YBX3: variants seen among roughly 807,000 people sequenced by gnomAD.
YBX3 encodes Y-box binding protein 3.
Under a neutral mutation model 42.4 loss-of-function variants are expected in YBX3, and 29 were observed. The observed-to-expected ratio is 0.68, with a 90% CI of 0.51 to 0.93. The LOEUF (loss-of-function observed/expected upper bound fraction) is 0.93. Ranked by LOEUF, YBX3 falls within the 40% of genes least tolerant of loss-of-function variation. The pLI is 0.00. For synonymous variants in YBX3, 195 were observed against 189.8 expected (o/e 1.03, Z -0.22); for missense variants, 517 against 527.5 (o/e 0.98, Z 0.19).
At position 10,702,044 on chromosome 12, in the gene YBX3, C is replaced by T. The variant is rs767340899; in HGVS notation, c.969G>A (p.Pro323=). Reference sequence around the variant, plus strand: ...GACGCCGGTATCCACGGCGAACAGACGGCTGGTTTGGACCACTGGTGGCTT... The same window carrying T: ...GACGCCGGTATCCACGGCGAACAGATGGCTGGTTTGGACCACTGGTGGCTT... ...NQQATSGPNQ[P]SVRRGYRRPY... Residue 323 remains proline (P), a synonymous_variant, in exon 8 of 10, where the codon CCG becomes CCA. Coordinates refer to ENST00000228251, the MANE Select transcript of YBX3 (RefSeq NM_003651.5). 8.7e-6 allele frequency: 14 copies of T among 1,614,150 alleles called. No homozygotes were observed. Among genetic ancestry groups the T allele is most frequent in the East Asian group, 4.5e-5 (2 of 44,882 alleles).
rs780051688 is a variant in YBX3 at position 10,709,896 on chromosome 12, T to G, written c.780+12A>C. 6.2e-7 allele frequency: 1 copy of G among 1,613,590 alleles called. No individual in the cohort carries two copies. Among genetic ancestry groups the G allele is most frequent in the Non-Finnish European group, 8.5e-7 (1 of 1,179,978 alleles). ...GAGGATTGCTGAAGAGAAGTCTCAG[T>G]TGCAATTTTACCTGTATTCTGTTGG... On this transcript the variant is annotated intron_variant, in intron 6 of 9. Transcript: ENST00000228251.
intron 7 of YBX3, chr12:10,703,594 C>T (rs1157639160): frequency 2.3e-6 from 1 of 438,310 alleles, no homozygotes; most frequent in East Asian, 7.3e-5. Context: ...GGCTGGAATG[C>T]AGTCCAAGAA....
At chr12:10,707,018 A>AT (rs1185467037) in intron 6 of YBX3, among the ~76,000 whole-genome samples, 3 of 147,076 alleles carry the variant, frequency 2.0e-5, no homozygotes, top group Non-Finnish European at 3.0e-5. Context: ...CTCCATCTCA[A>AT]AAAATAAATA....
chr12:10,719,249 A>C, intron 1 of YBX3, 106 bp from the exon 2 acceptor site: 1 of 905,202 alleles, frequency 1.1e-6, no homozygotes, highest in South Asian at 1.8e-5. Context: ...ATACCTAAAG[A>C]AACCATTAAA....
At chr12:10,722,337 A>C (rs1565593659) in intron 1 of YBX3, 2 of 152,228 alleles carry the variant, frequency 1.3e-5, no homozygotes, top group Non-Finnish European at 2.9e-5. Context: ...TCCTGGCAAG[A>C]AGCTTTTCTA....
chr12:10,722,793 G>A, intron 1 of YBX3, 57 bp downstream of exon 1: 2 of 1,338,772 alleles, frequency 1.5e-6, no homozygotes, highest in Non-Finnish European at 1.9e-6. Flanking sequence ...CACGTGCTCC[G>A]CGGCCGGCTG....
intron 4 of YBX3, among the ~76,000 whole-genome samples, chr12:10,715,219 T>G (rs1382699096): frequency 6.6e-6 from 1 of 152,242 alleles, no homozygotes; most frequent in East Asian, 1.9e-4. Context: ...AAAGTATCTT[T>G]ATTGCAGAAT....
chr12:10,715,970 T>C (rs574603324), intron 3 of YBX3, 187 bp from the exon 4 acceptor site: 2 of 568,224 alleles, frequency 3.5e-6, no homozygotes, highest in South Asian at 4.0e-5. Flanking sequence ...TATTCCACAT[T>C]ACTTCCTTGA....
At chr12:10,713,812 T>C (rs1694964353) in intron 4 of YBX3, among the ~76,000 whole-genome samples, 1 of 152,238 alleles carries the variant, frequency 6.6e-6, no homozygotes, top group African/African-American at 2.4e-5. Context: ...ACTTCTCCTA[T>C]TTTGGCAGCA....
At chr12:10,711,763 A>G (rs762555078) in intron 5 of YBX3, 23 of 152,364 alleles carry the variant, frequency 1.5e-4, no homozygotes, top group Non-Finnish European at 3.4e-4. Flanking sequence ...AAGCGTTTTA[A>G]CAATTTTGTT....
intron 5 of YBX3, chr12:10,710,407 C>A: frequency 7.6e-7 from 1 of 1,318,540 alleles, no homozygotes; most frequent in Non-Finnish European, 9.7e-7. Context: ...GCTAACCAAC[C>A]ACCCGAAGAG....
At chr12:10,714,750 A>G (rs1324518591) in intron 4 of YBX3, among the ~76,000 whole-genome samples, 1 of 151,400 alleles carries the variant, frequency 6.6e-6, no homozygotes, top group Non-Finnish European at 1.5e-5. Flanking sequence ...GCCCCAAAGC[A>G]GTTTTTCTTT....
At chr12:10,702,172 C>G (rs757577059) in intron 7 of YBX3, 38 bp from the exon 8 acceptor site, 1 of 1,562,834 alleles carries the variant, frequency 6.4e-7, no homozygotes, top group South Asian at 1.2e-5. Flanking sequence ...CAGGTGCCAA[C>G]AGGACAGGGC....
chr12:10,702,797 G>A (rs1434670223), intron 7 of YBX3: 1 of 152,144 alleles, frequency 6.6e-6, no homozygotes, highest in African/African-American at 2.4e-5. Flanking sequence ...CAGAGACTAA[G>A]GGAATTAAAC....
intron 5 of YBX3, chr12:10,712,744 A>T (rs945360015): frequency 2.6e-5 from 4 of 152,422 alleles, no homozygotes; most frequent in African/African-American, 9.6e-5. Context: ...GAGCCAAATG[A>T]AGAGAAACCT....
intron 1 of YBX3, 56 bp downstream of exon 1, chr12:10,722,794 C>G: frequency 7.5e-7 from 1 of 1,339,818 alleles, no homozygotes; most frequent in Non-Finnish European, 9.6e-7. Flanking sequence ...ACGTGCTCCG[C>G]GGCCGGCTGG....
At chr12:10,704,188 C>A (rs375401624) in intron 6 of YBX3, 40 bp from the exon 7 acceptor site, 1 of 1,569,358 alleles carries the variant, frequency 6.4e-7, no homozygotes, top group African/African-American at 1.3e-5. Flanking sequence ...TGTCACAGCA[C>A]AGGGGATAAG....
chr12:10,715,451 C>T (rs2120965705), intron 4 of YBX3, among the ~76,000 whole-genome samples: 1 of 151,962 alleles, frequency 6.6e-6, no homozygotes, highest in South Asian at 2.1e-4. Flanking sequence ...GAGACTGAGG[C>T]AGAGGAATCA....
chr12:10,710,432 A>G lies in YBX3; in HGVS notation c.574-318T>C, dbSNP rs1163105458. On this transcript the variant is annotated intron_variant, in intron 5 of 9. Transcript: ENST00000228251. ...CACCCGAAGAGTATCTGCAAGGTTT[A>G]TAATTTTTGCTCCATCAAATGCGTG... 7 of 1,262,734 alleles carry G rather than the reference A, an allele frequency of 5.5e-6. No individual in the cohort carries two copies. The East Asian group carries it at 2.6e-4, about 48-fold the overall frequency. 78.2% of individuals were successfully genotyped at this position (1,262,734 alleles called of 1,614,324 possible). A position where few individuals can be genotyped will look rare whatever the true frequency, so the allele number is the denominator to read the frequency against.
Sources: gnomAD v4.1 joint callset for allele counts (sites outside exome capture counted in the v4.1 genomes callset) on GRCh38, gnomAD v4.1.1 for gene constraint, MANE v1.5 for transcripts, NCBI Gene and HGNC (gene_info 2026-07-23, HGNC 2026-07-21) for gene names.